Variants in CACNA1C observed in about 807,000 individuals in gnomAD.
CACNA1C encodes the protein voltage-dependent L-type calcium channel subunit alpha-1C.
A neutral mutation model predicts 229.0 loss-of-function variants in CACNA1C; 30 were observed. The ratio of observed to expected loss-of-function variants is 0.13; its 90% confidence interval spans 0.10 to 0.18. The LOEUF (loss-of-function observed/expected upper bound fraction) is 0.18. CACNA1C is among the 10% of genes least tolerant of loss of function. The pLI is 1.00. For missense variants in CACNA1C, 1,658 were observed against 2,845.0 expected (o/e 0.58, Z 9.49); for synonymous variants, 1,114 against 1,132.5 (o/e 0.98, Z 0.33).
chr12:2,313,123 T>A (rs2095519655), intron 3 of CACNA1C, among the ~76,000 whole-genome samples: 1 of 152,146 alleles, frequency 6.6e-6, no homozygotes, highest in Admixed American at 6.5e-5. Context: ...GTGGGTGTGG[T>A]AAGGCCGCCC....
chr12:2,032,638 C>T (rs950866936), intron 1 of CACNA1C, among the ~76,000 whole-genome samples: 4 of 152,226 alleles, frequency 2.6e-5, no homozygotes, highest in Middle Eastern at 3.4e-3. Context: ...ATGCAGAACC[C>T]GTGAAAGGAG....
intron 5 of CACNA1C, among the ~76,000 whole-genome samples, chr12:2,484,912 T>TC (rs1395689216): frequency 1.3e-5 from 2 of 150,768 alleles, no homozygotes; most frequent in East Asian, 3.9e-4. Context: ...CTTCTTTCTT[T>TC]TTTTTTTTTT....
intron 18 of CACNA1C, among the ~76,000 whole-genome samples, chr12:2,591,070 A>G (rs905811860): frequency 9.2e-5 from 14 of 152,204 alleles, no homozygotes; most frequent in African/African-American, 2.9e-4. Flanking sequence ...CTGAAAAAAT[A>G]TTAATTGTCT....
At chr12:2,283,122 A>G (rs1332720245) in intron 3 of CACNA1C, among the ~76,000 whole-genome samples, 1 of 152,086 alleles carries the variant, frequency 6.6e-6, no homozygotes, top group East Asian at 1.9e-4. Context: ...TCTTGTTAAA[A>G]TATAGGTTTG....
At chr12:2,388,736 A>G (rs1023970972) in intron 3 of CACNA1C, among the ~76,000 whole-genome samples, 1 of 151,244 alleles carries the variant, frequency 6.6e-6, no homozygotes, top group Non-Finnish European at 1.5e-5. Context: ...GACAGTGCCT[A>G]TGACATATCC....
intron 7 of CACNA1C, among the ~76,000 whole-genome samples, chr12:2,499,096 G>C (rs920157682): frequency 3.9e-5 from 6 of 152,178 alleles, no homozygotes; most frequent in African/African-American, 1.4e-4. Context: ...CAGGGGTGGG[G>C]AGCAGCCAGG....
At chr12:2,636,934 G>A (rs148618376) in intron 30 of CACNA1C, among the ~76,000 whole-genome samples, 143 of 152,296 alleles carry the variant, frequency 9.4e-4, no homozygotes, top group Non-Finnish European at 1.7e-3. Flanking sequence ...AAGGATTGTC[G>A]GGGGACAGGG....
chr12:2,677,210 C>T lies in CACNA1C; in HGVS notation c.4945C>T (p.Leu1649=), dbSNP rs2096866151. Residue 1649 remains leucine, a synonymous_variant, in exon 40 of 47, where the codon CTG becomes TTG. Transcript: ENST00000399655. The surrounding 1 kb of genome is among the most constrained non-coding windows in gnomAD (Gnocchi z 7.4). ...LVGKPSQRNA[L]SLQAGLRTLH... ...GGGCAAGCCCTCCCAGAGGAACGCG[C>T]TGTCTCTGCAGGTGAGGGCCTGGGG... 8 of 1,613,668 alleles carry T rather than the reference C, an allele frequency of 5.0e-6. No individual in the cohort carries two copies. The highest frequency in any genetic ancestry group is 6.8e-6 in the Non-Finnish European group (8 of 1,179,758).
At chr12:2,540,458 T>C (rs149251714) in intron 9 of CACNA1C, among the ~76,000 whole-genome samples, 2 of 152,078 alleles carry the variant, frequency 1.3e-5, no homozygotes, top group African/African-American at 4.8e-5. Context: ...GAAATTTGGA[T>C]AGATCAGGGG....
intron 9 of CACNA1C, among the ~76,000 whole-genome samples, chr12:2,547,018 T>C (rs2099882562): frequency 1.3e-5 from 2 of 152,064 alleles, no homozygotes; most frequent in South Asian, 4.1e-4. Context: ...CACCTGGCTA[T>C]TGGGTAGGGA....
intron 3 of CACNA1C, among the ~76,000 whole-genome samples, chr12:2,358,301 G>A (rs1045878218): frequency 9.5e-6 from 1 of 105,570 alleles, no homozygotes; most frequent in African/African-American, 3.6e-5. Flanking sequence ...GTGTGTGTGT[G>A]TGTGTGTCTC....
rs1027963432 is a variant in CACNA1C at position 2,058,770 on chromosome 12, C to T, written c.49+5159C>T. 9.9e-5 allele frequency among the ~76,000 whole-genome samples: 15 copies of T among 152,174 alleles called. 1 individual carries two copies. Among genetic ancestry groups the T allele is most frequent in the East Asian group, 3.8e-4 (2 of 5,204 alleles). On this transcript the variant is annotated intron_variant, in intron 1 of 46. Coordinates refer to ENST00000399655, the MANE Select transcript of CACNA1C (RefSeq NM_000719.7). ...ATGTTTTTCGGTGTCATTTCGAAGC[C>T]GGGTGTGTAGACTTAAACTGAACCC...
At chr12:2,015,698 G>C (rs548846381) in intron 1 of CACNA1C, among the ~76,000 whole-genome samples, 4 of 152,308 alleles carry the variant, frequency 2.6e-5, no homozygotes, top group South Asian at 4.1e-4. Context: ...TTGGGCCCTG[G>C]TCAGTCTCAA....
chr12:2,155,854 T>C (rs1340173210), intron 3 of CACNA1C, among the ~76,000 whole-genome samples: 1 of 152,222 alleles, frequency 6.6e-6, no homozygotes, highest in Non-Finnish European at 1.5e-5. Context: ...TTGAGAGAAA[T>C]ATTTTTGAAC....
chr12:2,668,089 T>C (rs2096322233), intron 37 of CACNA1C, among the ~76,000 whole-genome samples: 1 of 151,892 alleles, frequency 6.6e-6, no homozygotes, highest in African/African-American at 2.4e-5. Flanking sequence ...AGAGGACATG[T>C]AGCATCTCCT....
In CACNA1C at chr12:2,379,798, G is replaced by A. The variant is rs1174494765; in HGVS notation, c.478-69178G>A. On this transcript the variant is annotated intron_variant, in intron 3 of 46. Coordinates refer to ENST00000399655, the MANE Select transcript of CACNA1C (RefSeq NM_000719.7). ...TGTAATCCCAGCACTTTGGGAGGCC[G>A]AGGCGGGCGGATCACGAGGTCAGGA... Among the ~76,000 whole-genome samples, 5 of 151,874 alleles carry A rather than the reference G, an allele frequency of 3.3e-5. No individual in the cohort carries two copies. In the East Asian group the frequency reaches 7.8e-4, roughly 24 times the overall value.
rs1375338774 is a variant in CACNA1C, at chr12:2,504,733, G to C, written c.1114-109G>C. 7 of 781,566 alleles carry C rather than the reference G, an allele frequency of 9.0e-6. No homozygotes were observed. Among genetic ancestry groups the C allele is most frequent in the Non-Finnish European group, 1.6e-5 (7 of 447,714 alleles). 48.4% of individuals were successfully genotyped at this position (781,566 alleles called of 1,614,324 possible). On this transcript the variant is annotated intron_variant, in intron 7 of 46. Transcript: ENST00000399655. This position sits in a 1 kb window ranked among gnomAD's most constrained non-coding sequence, Gnocchi z 6.8. The stretch of plus-strand genomic sequence containing the variant: ...TTGGCCTCTGATTTGCACCTAGAGG[G>C]TCCCCGGATCCTGGCGCTGCGTGGG...
In CACNA1C at chr12:2,633,086, T is replaced by C. The variant is rs139522516; in HGVS notation, c.3829-1211T>C. Among the ~76,000 whole-genome samples the C allele has an allele frequency of 6.6e-6, 1 of 152,302 alleles. No homozygotes were observed. The highest frequency in any genetic ancestry group is 1.5e-5 in the Non-Finnish European group (1 of 68,018). ...TATATGAGTCACCAGTGAGCCCAGA[T>C]AACCTGCCACCCTGCGGCCCACATT... On this transcript the variant is annotated intron_variant, in intron 29 of 46. Coordinates refer to ENST00000399655, the MANE Select transcript of CACNA1C (RefSeq NM_000719.7). This position sits in a 1 kb window ranked among gnomAD's most constrained non-coding sequence, Gnocchi z 5.8.
intron 3 of CACNA1C, among the ~76,000 whole-genome samples, chr12:2,303,895 G>A (rs890421264): frequency 1.3e-5 from 2 of 152,174 alleles, no homozygotes; most frequent in African/African-American, 4.8e-5. Flanking sequence ...GTTGTTCTGG[G>A]GTAGAGACAG....
Sources: gnomAD v4.1 joint callset for allele counts (sites outside exome capture counted in the v4.1 genomes callset) on GRCh38, gnomAD v4.1.1 for gene constraint, Gnocchi (gnomAD v3.1) non-coding constraint, MANE v1.5 for transcripts, NCBI Gene and HGNC (gene_info 2026-07-23, HGNC 2026-07-21) for gene names.